The following TENM4 variants were observed in gnomAD, a reference collection of about 807,000 sequenced individuals.
The protein encoded by TENM4 is teneurin-4.
TENM4 carries 82 observed loss-of-function variants against 243.3 expected under a neutral mutation model. The observed-to-expected ratio is 0.34, with a 90% CI of 0.28 to 0.40. TENM4 has a LOEUF of 0.40. TENM4 is among the 10% of genes least tolerant of loss of function. The pLI, the probability that TENM4 is intolerant of heterozygous loss-of-function variation, is 1.00. For synonymous variants in TENM4, 1,412 were observed against 1,456.3 expected (o/e 0.97, Z 0.69); for missense variants, 3,138 against 3,673.3 (o/e 0.85, Z 3.77).
intron 4 of TENM4, among the ~76,000 whole-genome samples, chr11:79,082,935 C>T (rs1343286823): frequency 6.6e-6 from 1 of 152,096 alleles, no homozygotes; most frequent in African/African-American, 2.4e-5. Flanking sequence ...GCTGGGTGGC[C>T]AGGCAACTTT....
chr11:78,838,139 T>A (rs1396865188), intron 12 of TENM4, among the ~76,000 whole-genome samples: 3 of 152,228 alleles, frequency 2.0e-5, no homozygotes, highest in Non-Finnish European at 4.4e-5. Flanking sequence ...GATACACCAT[T>A]ATTTTAATTT....
intron 12 of TENM4, among the ~76,000 whole-genome samples, chr11:78,815,886 C>G (rs944999837): frequency 1.6e-4 from 24 of 152,228 alleles, no homozygotes; most frequent in African/African-American, 5.5e-4. Context: ...AGGACTGGAA[C>G]CCGAGCCTTC....
At chr11:79,001,656 C>T (rs1279976613) in intron 6 of TENM4, among the ~76,000 whole-genome samples, 3 of 152,182 alleles carry the variant, frequency 2.0e-5, no homozygotes, top group Non-Finnish European at 4.4e-5. Flanking sequence ...AGATTTTAGC[C>T]TTGAGGGGGA....
intron 1 of TENM4, among the ~76,000 whole-genome samples, chr11:79,331,217 G>A (rs1590885530): frequency 6.6e-6 from 1 of 152,178 alleles, no homozygotes; most frequent in Non-Finnish European, 1.5e-5. Flanking sequence ...ACCTGTCCCT[G>A]ACTGATAAGT....
intron 1 of TENM4, among the ~76,000 whole-genome samples, chr11:79,317,834 C>T (rs750664545): frequency 4.6e-5 from 7 of 152,224 alleles, no homozygotes; most frequent in East Asian, 1.9e-4. Context: ...TTCATTTCTC[C>T]GGGTCTTGCA....
chr11:79,411,466 A>C (rs1858699384), intron 1 of TENM4, among the ~76,000 whole-genome samples: 1 of 152,200 alleles, frequency 6.6e-6, no homozygotes, highest in East Asian at 1.9e-4. Context: ...AGCGTGAAGC[A>C]AGTAAGCAGT....
At chr11:78,690,391 T>C (rs1317745225) in intron 28 of TENM4, among the ~76,000 whole-genome samples, 5 of 152,210 alleles carry the variant, frequency 3.3e-5, no homozygotes, top group African/African-American at 9.6e-5. Flanking sequence ...TACAAAAATA[T>C]TGACAGTGGT....
At chr11:79,113,677 G>A (rs1312410934) in intron 4 of TENM4, among the ~76,000 whole-genome samples, 1 of 152,018 alleles carries the variant, frequency 6.6e-6, no homozygotes, top group South Asian at 2.1e-4. Context: ...CAACAAAATG[G>A]CAATTCTCAA....
At chr11:79,382,242 A>G (rs1336980685) in intron 1 of TENM4, among the ~76,000 whole-genome samples, 3 of 152,146 alleles carry the variant, frequency 2.0e-5, no homozygotes, top group African/African-American at 7.2e-5. Flanking sequence ...AACTGAGGGA[A>G]TTGGCAGTGG....
At chr11:79,285,739 T>C (rs1161881275) in intron 2 of TENM4, among the ~76,000 whole-genome samples, 1 of 151,046 alleles carries the variant, frequency 6.6e-6, no homozygotes, top group Non-Finnish European at 1.5e-5. Context: ...GAAGACATTA[T>C]GCTAAGTGAA....
chr11:79,400,793 G>A (rs953030290), intron 1 of TENM4, among the ~76,000 whole-genome samples: 1 of 152,178 alleles, frequency 6.6e-6, no homozygotes, highest in African/African-American at 2.4e-5. Context: ...TATGTTATCT[G>A]TTCCCTTGCT....
chr11:78,904,359 C>CAAAAA lies in TENM4; in HGVS notation c.494-841_494-837dup, dbSNP rs61503457. Among the ~76,000 whole-genome samples the CAAAAA allele has an allele frequency of 3.2e-4, 25 of 77,268 alleles. 1 individual carries two copies. Among genetic ancestry groups the CAAAAA allele is most frequent in the Middle Eastern group, 6.9e-3 (1 of 144 alleles). 50.7% of individuals were successfully genotyped at this position (77,268 alleles called of 152,430 possible). Reference sequence around the variant, plus strand: ...TGAGCTACAGAGCAAGACTCTGTCTCAAAAAAAAAAAAAAAAGTAAAACAT... The same window carrying CAAAAA: ...TGAGCTACAGAGCAAGACTCTGTCTCAAAAAAAAAAAAAAAAAAAAAGTAAAACAT... On this transcript the variant is annotated intron_variant, in intron 6 of 33. Transcript: ENST00000278550.
chr11:79,311,425 G>T (rs1856719567), intron 1 of TENM4, among the ~76,000 whole-genome samples: 1 of 152,208 alleles, frequency 6.6e-6, no homozygotes, highest in Admixed American at 6.5e-5. Context: ...GCCATTGGAG[G>T]CTAAGTGCTG....
intron 25 of TENM4, among the ~76,000 whole-genome samples, chr11:78,718,520 C>G (rs1198517223): frequency 1.3e-5 from 2 of 152,214 alleles, no homozygotes; most frequent in African/African-American, 4.8e-5. Context: ...GGCTGGACAG[C>G]ACCTGGCCTT....
chr11:78,705,004 G>T (rs530052255), intron 27 of TENM4, among the ~76,000 whole-genome samples: 4 of 152,294 alleles, frequency 2.6e-5, no homozygotes, highest in South Asian at 2.1e-4. Flanking sequence ...CTGCAAACTC[G>T]CCAGGGCCGC....
intron 3 of TENM4, among the ~76,000 whole-genome samples, chr11:79,211,623 C>G (rs1466715956): frequency 6.6e-6 from 1 of 152,170 alleles, no homozygotes; most frequent in African/African-American, 2.4e-5. Context: ...CAATGCCACT[C>G]CATTCATTTC....
chr11:79,296,330 G>A (rs999315965), intron 2 of TENM4, among the ~76,000 whole-genome samples: 3 of 152,144 alleles, frequency 2.0e-5, no homozygotes, highest in Non-Finnish European at 4.4e-5. Context: ...GGGGCCGGGG[G>A]GCTGTGTCAC....
At position 78,903,517 on chromosome 11, in the gene TENM4, G is replaced by A. The variant is rs912417077; in HGVS notation, c.500C>T (p.Pro167Leu). The change falls in exon 7 of 34, where the codon CCG becomes CTG. Residue 167 changes from proline (P) to leucine (L), a missense_variant. This residue lies in a region of TENM4 where 671 missense variants were observed against 614.1 expected (regional missense o/e 1.09). Transcript: ENST00000278550. ...CCGCGCGTGGTTCTGCAGGCCGCCC[G>A]GATGATCTAGGGCACAAACATGGCG... is the stretch of plus-strand genomic sequence containing the variant. ...TEHENTETDH[P>L]GGLQNHARLR... The A allele has an allele frequency of 8.4e-6, 13 of 1,546,048 alleles. No individual in the cohort carries two copies. The African/African-American group carries it at 1.5e-4, about 18-fold the overall frequency.
intron 6 of TENM4, among the ~76,000 whole-genome samples, chr11:79,037,450 G>C (rs1348158133): frequency 6.6e-6 from 1 of 152,198 alleles, no homozygotes; most frequent in Non-Finnish European, 1.5e-5. Flanking sequence ...TATATTCCGA[G>C]AATGAAAGAG....
Sources: gnomAD v4.1 joint callset for allele counts (sites outside exome capture counted in the v4.1 genomes callset) on GRCh38, gnomAD v4.1.1 for gene constraint, gnomAD v4.1.1 regional missense constraint, MANE v1.5 for transcripts, NCBI Gene and HGNC (gene_info 2026-07-23, HGNC 2026-07-21) for gene names.